The following GLP2R variants were observed in gnomAD, a reference collection of about 807,000 sequenced individuals.
GLP2R encodes glucagon like peptide 2 receptor, also known as glucagon-like peptide 2 receptor.
Under a neutral mutation model 68.2 loss-of-function variants are expected in GLP2R, and 59 were observed. The observed-to-expected ratio is 0.87, with a 90% CI of 0.70 to 1.07. The LOEUF (loss-of-function observed/expected upper bound fraction) is 1.07, where lower values mean the gene tolerates loss of function less well. Ranked by LOEUF, GLP2R falls within the 50% of genes least tolerant of loss-of-function variation. The probability of loss-of-function intolerance (pLI) is 0.00; values close to 1 mark genes in which losing one functional copy is unlikely to be tolerated. For synonymous variants in GLP2R, 270 were observed against 265.4 expected, an observed-to-expected ratio of 1.02 and a Z score of -0.17; for missense variants, 548 against 677.4, an observed-to-expected ratio of 0.81 and a Z score of 2.12.
At position 9,825,997 on chromosome 17, in the gene GLP2R, G is replaced by A. The variant is rs2066622596; in HGVS notation, c.-67G>A. 1 of 1,294,458 alleles carries A rather than the reference G, an allele frequency of 7.7e-7. No homozygotes were observed. The highest frequency in any genetic ancestry group is 1.3e-5 in the South Asian group (1 of 76,070). The allele number at this position is 1,294,458 out of a possible 1,614,324, so 80.2% of individuals were successfully genotyped here. On this transcript the variant is annotated 5_prime_UTR_variant, in exon 1 of 13. Transcript: ENST00000262441. ...GTGGACCAAGAGGAATGCAAGAGGA[G>A]GCTGCCTGCGGTGCATCTTGGACGG... is the stretch of plus-strand genomic sequence containing the variant.
rs2067287814 is a variant in GLP2R, at chr17:9,891,174, T to A, written c.*1469T>A. 1 of 152,206 alleles carries A rather than the reference T, an allele frequency of 6.6e-6. No homozygotes were observed. Among genetic ancestry groups the A allele is most frequent in the Non-Finnish European group, 1.5e-5 (1 of 68,044 alleles). The allele number at this position is 152,206 out of a possible 1,614,324, so 9.4% of individuals were successfully genotyped here. ...AAATTTGAATTTCAGACAAATAGTC[T>A]TCTTGTATAAGTATATCCCATGGGC... On this transcript the variant is annotated 3_prime_UTR_variant, in exon 13 of 13. Transcript: ENST00000262441.
At chr17:9,849,737 C>T (rs538126923) in intron 4 of GLP2R, among the ~76,000 whole-genome samples, 67 of 151,380 alleles carry the variant, frequency 4.4e-4, no homozygotes, top group African/African-American at 1.5e-3. Context: ...CTCAGCCTCC[C>T]GAGTAGCTGG....
chr17:9,853,134 A>G (rs2066906752), intron 4 of GLP2R: 2 of 496,220 alleles, frequency 4.0e-6, no homozygotes, highest in Non-Finnish European at 7.5e-6. Flanking sequence ...TGCGTCAACA[A>G]TGTGCAATCA....
chr17:9,847,681 T>A (rs2066853885), intron 4 of GLP2R, among the ~76,000 whole-genome samples: 1 of 152,162 alleles, frequency 6.6e-6, no homozygotes, highest in Non-Finnish European at 1.5e-5. Flanking sequence ...GTGACTTTTT[T>A]CACTCTTGCC....
intron 11 of GLP2R, 117 bp downstream of exon 11, chr17:9,880,633 C>T: frequency 1.5e-6 from 1 of 669,950 alleles, no homozygotes; most frequent in Non-Finnish European, 2.5e-6. Flanking sequence ...GCATCAGCAG[C>T]CTTTATCAGT....
chr17:9,877,398 G>T (rs1468253102), intron 10 of GLP2R, among the ~76,000 whole-genome samples: 1 of 152,158 alleles, frequency 6.6e-6, no homozygotes, highest in Non-Finnish European at 1.5e-5. Context: ...CCATCCAGAA[G>T]GGTGAGTAGC....
chr17:9,875,286 G>A (rs1457871594), intron 10 of GLP2R, among the ~76,000 whole-genome samples: 1 of 152,084 alleles, frequency 6.6e-6, no homozygotes, highest in Non-Finnish European at 1.5e-5. Context: ...AGCTCACAGT[G>A]CCCTCTTCCA....
intron 10 of GLP2R, among the ~76,000 whole-genome samples, chr17:9,872,098 C>G (rs529198787): frequency 3.9e-5 from 6 of 152,316 alleles, no homozygotes; most frequent in Non-Finnish European, 7.3e-5. Flanking sequence ...CAGAGTAGCT[C>G]TAAGAGTAGG....
rs908460716 is a variant in GLP2R, at chr17:9,889,779, C to G, written c.*74C>G. 1 of 900,180 alleles carries G rather than the reference C, an allele frequency of 1.1e-6. No individual in the cohort carries two copies. 55.8% of individuals were successfully genotyped at this position (900,180 alleles called of 1,614,324 possible). ...CCCAGGAAGAGGAAGCAAAGCAGGA[C>G]ACACGTTGCTGGGCACGGAATCATT... On this transcript the variant is annotated 3_prime_UTR_variant, in exon 13 of 13. Transcript: ENST00000262441.
In GLP2R at chr17:9,825,950, G is replaced by C. The variant is rs2066622215; in HGVS notation, c.-114G>C. ...GACACTCTCGGCGCAGCGTGGAGAG[G>C]ATTTGTGCAAACATTTCCTCTGTGG... is the stretch of plus-strand genomic sequence containing the variant. On this transcript the variant is annotated 5_prime_UTR_variant, in exon 1 of 13. Coordinates refer to ENST00000262441, the MANE Select transcript of GLP2R (RefSeq NM_004246.3). 2 of 860,262 alleles carry C rather than the reference G, an allele frequency of 2.3e-6. No individual in the cohort carries two copies. Among genetic ancestry groups the C allele is most frequent in the Non-Finnish European group, 3.6e-6 (2 of 548,214 alleles). The allele number at this position is 860,262 out of a possible 1,614,324, so 53.3% of individuals were successfully genotyped here. A position where few individuals can be genotyped will look rare whatever the true frequency, so the allele number is the denominator to read the frequency against.
intron 9 of GLP2R, chr17:9,867,067 G>T (rs767651720): frequency 1.3e-5 from 2 of 152,190 alleles, no homozygotes; most frequent in African/African-American, 2.4e-5. Flanking sequence ...CAATAATCAA[G>T]ACTGAGCTAG....
chr17:9,840,062 T>G (rs1396307131), intron 3 of GLP2R, among the ~76,000 whole-genome samples: 1 of 151,326 alleles, frequency 6.6e-6, no homozygotes, highest in Non-Finnish European at 1.5e-5. Context: ...CTGCAACCTC[T>G]GCCTCCTGGG....
Position 9,849,610 on chromosome 17 carries a change from T to TA in GLP2R, c.505-4885_505-4884insA, listed in dbSNP as rs2066873247. Among the ~76,000 whole-genome samples the TA allele has an allele frequency of 3.8e-5, 5 of 132,556 alleles. No homozygotes were observed. In the South Asian group the frequency reaches 1.3e-3, roughly 36 times the overall value. The allele number at this position is 132,556 out of a possible 152,430, so 87.0% of individuals were successfully genotyped here. A position where few individuals can be genotyped will look rare whatever the true frequency, so the allele number is the denominator to read the frequency against. On this transcript the variant is annotated intron_variant, in intron 4 of 12. Transcript: ENST00000262441. ...TATTTCCAATCTTTTTCTCTTTCTT[T>TA]TTTTTTTTTTTTTTTTTTTTGAGAC...
At chr17:9,874,695 T>C (rs762810446) in intron 10 of GLP2R, among the ~76,000 whole-genome samples, 22 of 152,148 alleles carry the variant, frequency 1.4e-4, no homozygotes, top group Non-Finnish European at 2.5e-4. Flanking sequence ...ACACTGTTCA[T>C]TTTTAACGTC....
At chr17:9,862,425 G>T (rs1309245808) in intron 9 of GLP2R, among the ~76,000 whole-genome samples, 1 of 152,142 alleles carries the variant, frequency 6.6e-6, no homozygotes, top group Non-Finnish European at 1.5e-5. Context: ...GAATAGCAGG[G>T]GTATCGGCTT....
At chr17:9,872,699 C>A (rs1261491548) in intron 10 of GLP2R, among the ~76,000 whole-genome samples, 2 of 152,176 alleles carry the variant, frequency 1.3e-5, no homozygotes, top group African/African-American at 4.8e-5. Flanking sequence ...AGGGAGCTGG[C>A]CACGACCCTA....
intron 9 of GLP2R, chr17:9,865,901 T>G: frequency 2.1e-6 from 1 of 471,180 alleles, no homozygotes; most frequent in Non-Finnish European, 4.4e-6. Flanking sequence ...AAGGAAGACA[T>G]TTAACCATGA....
At chr17:9,828,826 A>AT (rs1754176433) in intron 1 of GLP2R, among the ~76,000 whole-genome samples, 1 of 152,076 alleles carries the variant, frequency 6.6e-6, no homozygotes, top group Admixed American at 6.5e-5. Flanking sequence ...TCAGTCTGGT[A>AT]TTTTTATAAT....
chr17:9,837,246 C>T (rs923391947), intron 3 of GLP2R, among the ~76,000 whole-genome samples: 12 of 152,188 alleles, frequency 7.9e-5, no homozygotes, highest in African/African-American at 2.4e-4. Flanking sequence ...CATCCCTCCC[C>T]ACCTCCACTG....
Sources: gnomAD v4.1 joint callset for allele counts (sites outside exome capture counted in the v4.1 genomes callset) on GRCh38, gnomAD v4.1.1 for gene constraint, MANE v1.5 for transcripts, NCBI Gene and HGNC (gene_info 2026-07-23, HGNC 2026-07-21) for gene names.